Variants in SH3KBP1 observed in about 807,000 individuals in gnomAD.
SH3KBP1 encodes the protein SH3 domain-containing kinase-binding protein 1.
Under a neutral mutation model 50.1 loss-of-function variants are expected in SH3KBP1, and 8 were observed. The observed-to-expected ratio is 0.16, with a 90% CI of 0.09 to 0.29. The LOEUF (loss-of-function observed/expected upper bound fraction) is 0.29. SH3KBP1 is among the 10% of genes least tolerant of loss of function. The pLI is 1.00. For missense variants in SH3KBP1, 377 were observed against 535.2 expected (o/e 0.70, Z 2.92); for synonymous variants, 227 against 218.6 (o/e 1.04, Z -0.34).
chrX:19,631,782 C>T (rs1190527284), intron 8 of SH3KBP1, 82 bp downstream of exon 8: 16 of 538,546 alleles, frequency 3.0e-5, no homozygotes, highest in South Asian at 1.7e-4. Context: ...AGCTTTCAAG[C>T]GCTGAAGCAA....
intron 12 of SH3KBP1, among the ~76,000 whole-genome samples, chrX:19,577,501 C>A (rs1350728127): frequency 9.0e-6 from 1 of 111,260 alleles, no homozygotes; most frequent in African/African-American, 3.3e-5. Flanking sequence ...TCCAGAGGGG[C>A]CTGTTCTTCC....
intron 2 of SH3KBP1, among the ~76,000 whole-genome samples, chrX:19,758,913 T>C (rs1312224273): frequency 3.6e-5 from 4 of 111,918 alleles, no homozygotes; most frequent in African/African-American, 6.5e-5. Flanking sequence ...AGTTCTATCA[T>C]TCTTTTAACG....
chrX:19,595,493 G>A (rs1333430596), intron 9 of SH3KBP1, among the ~76,000 whole-genome samples: 4 of 112,477 alleles, frequency 3.6e-5, no homozygotes, highest in East Asian at 5.6e-4. Context: ...TTTCTACACC[G>A]AGGCTGGCAG....
In SH3KBP1 at chrX:19,594,971, A is replaced by C; in HGVS notation, c.1035T>G (p.Ala345=). The change falls in exon 10 of 18, where the codon GCT becomes GCG. Residue 345 remains alanine, a synonymous_variant. Transcript: ENST00000397821. ...NRPKKPPPPS[A]PVIKQGAGTT... ...TACCTGCCCCTTGTTTGATGACAGG[A>C]GCGGATGGAGGCGGTGGCTTCTTGG... 8.3e-7 allele frequency: 1 copy of C among 1,203,763 alleles called. No homozygotes were observed. Among genetic ancestry groups the C allele is most frequent in the Non-Finnish European group, 1.1e-6 (1 of 888,307 alleles).
chrX:19,612,413 G>A (rs753399954), intron 8 of SH3KBP1, among the ~76,000 whole-genome samples: 110 of 111,318 alleles, frequency 9.9e-4, no homozygotes, highest in African/African-American at 3.6e-3. Context: ...ACAGGCACCT[G>A]CCACCACGCC....
intron 7 of SH3KBP1, among the ~76,000 whole-genome samples, chrX:19,641,485 T>C (rs1373977720): frequency 1.8e-5 from 2 of 112,371 alleles, no homozygotes; most frequent in African/African-American, 6.5e-5. Context: ...AGATGCATTA[T>C]GTGCTGTTTT....
chrX:19,635,607 T>C (rs956067968), intron 7 of SH3KBP1, among the ~76,000 whole-genome samples: 7 of 110,336 alleles, frequency 6.3e-5, no homozygotes, highest in Non-Finnish European at 1.1e-4. Context: ...ACACTCAAAA[T>C]TGTTATCTGC....
At chrX:19,670,695 C>T (rs2062766333) in intron 6 of SH3KBP1, among the ~76,000 whole-genome samples, 1 of 110,199 alleles carries the variant, frequency 9.1e-6, no homozygotes, top group African/African-American at 3.3e-5. Context: ...TCCTCCTCAG[C>T]TTATCCATAG....
At chrX:19,721,346 G>C (rs1389882361) in intron 3 of SH3KBP1, among the ~76,000 whole-genome samples, 1 of 111,098 alleles carries the variant, frequency 9.0e-6, no homozygotes, top group Non-Finnish European at 1.9e-5. Context: ...AAACCACAAT[G>C]GTACTAGCAG....
chrX:19,761,158 TAG>T (rs1331050511), intron 2 of SH3KBP1, among the ~76,000 whole-genome samples: 6 of 46,214 alleles, frequency 1.3e-4, no homozygotes, highest in African/African-American at 4.6e-4. Flanking sequence ...AGGAGAGAGG[TAG>T]AGAGGGGGGA....
intron 14 of SH3KBP1, among the ~76,000 whole-genome samples, chrX:19,549,396 G>C (rs1425310714): frequency 1.8e-5 from 2 of 111,598 alleles, no homozygotes; most frequent in Non-Finnish European, 3.8e-5. Context: ...GCAATAAAAA[G>C]TCATTCAAAA....
intron 3 of SH3KBP1, among the ~76,000 whole-genome samples, chrX:19,716,180 A>C (rs982428208): frequency 8.9e-6 from 1 of 112,026 alleles, no homozygotes; most frequent in Non-Finnish European, 1.9e-5. Context: ...CATACTCTTT[A>C]CTGGAAACAT....
At chrX:19,672,798 T>C (rs1035726355) in intron 6 of SH3KBP1, among the ~76,000 whole-genome samples, 2 of 111,272 alleles carry the variant, frequency 1.8e-5, no homozygotes, top group African/African-American at 6.6e-5. Context: ...GGCTCACGCC[T>C]GTAATCCTAG....
intron 2 of SH3KBP1, among the ~76,000 whole-genome samples, chrX:19,770,138 C>T (rs921056338): frequency 9.0e-6 from 1 of 111,658 alleles, no homozygotes; most frequent in East Asian, 2.8e-4. Flanking sequence ...CAGATTATTT[C>T]GTCATCCAGG....
chrX:19,542,805 T>G (rs985650136), intron 15 of SH3KBP1, among the ~76,000 whole-genome samples: 6 of 110,869 alleles, frequency 5.4e-5, no homozygotes, highest in African/African-American at 2.0e-4. Context: ...CAGAGCAAAA[T>G]GCATTGGTGG....
intron 3 of SH3KBP1, among the ~76,000 whole-genome samples, chrX:19,714,474 C>G (rs1355337383): frequency 9.2e-6 from 1 of 108,356 alleles, no homozygotes; most frequent in East Asian, 2.9e-4. Context: ...ATATATACAC[C>G]TATGTACCTA....
chrX:19,829,136 G>A (rs2067781804), intron 2 of SH3KBP1, among the ~76,000 whole-genome samples: 1 of 112,176 alleles, frequency 8.9e-6, no homozygotes, highest in South Asian at 3.7e-4. Flanking sequence ...AGAATGTTCA[G>A]AGCCTCTATC....
intron 6 of SH3KBP1, among the ~76,000 whole-genome samples, chrX:19,665,880 G>A (rs1175640494): frequency 8.9e-6 from 1 of 112,002 alleles, no homozygotes; most frequent in Non-Finnish European, 1.9e-5. Context: ...TTTACAACTA[G>A]TGAGAATATC....
chrX:19,720,664 C>T (rs1259675141), intron 3 of SH3KBP1, among the ~76,000 whole-genome samples: 1 of 111,666 alleles, frequency 9.0e-6, no homozygotes, highest in Non-Finnish European at 1.9e-5. Flanking sequence ...TCAAACTTTG[C>T]TGCTGACAAA....
Sources: allele counts gnomAD v4.1 joint callset (sites outside exome capture counted in the v4.1 genomes callset), GRCh38; gene constraint gnomAD v4.1.1; transcripts MANE v1.5; gene names NCBI Gene and HGNC (gene_info 2026-07-23, HGNC 2026-07-21).